NTM: variants seen among roughly 807,000 people sequenced by gnomAD.
The protein encoded by NTM is IgLON family member 2.
In NTM, 13 loss-of-function variants were observed where a neutral mutation model predicts 42.1. That is an observed-to-expected ratio of 0.31 (90% CI 0.20 to 0.49). The LOEUF (loss-of-function observed/expected upper bound fraction) is 0.49, where lower values mean the gene tolerates loss of function less well. NTM is among the 20% of genes least tolerant of loss of function. The probability of loss-of-function intolerance (pLI) is 0.99; values close to 1 mark genes in which losing one functional copy is unlikely to be tolerated. For synonymous variants in NTM, 187 were observed against 179.2 expected (o/e 1.04, Z -0.35); for missense variants, 373 against 452.8 (o/e 0.82, Z 1.60).
chr11:131,849,532 T>A (rs2045284018), intron 1 of NTM, among the ~76,000 whole-genome samples: 1 of 151,846 alleles, frequency 6.6e-6, no homozygotes, highest in African/African-American at 2.4e-5. Flanking sequence ...CAGCAAGCCA[T>A]GAGGGATCCG....
In NTM at chr11:131,572,037, C is replaced by T. The variant is rs559424597; in HGVS notation, c.82+201149C>T. On this transcript the variant is annotated intron_variant, in intron 1 of 8. Transcript: ENST00000683400. Reference sequence around the variant, plus strand: ...ATTTAAAAGAAATTTGACCCATGCTCAGACATTTCATAAACTCCCATTGAA... The same window carrying T: ...ATTTAAAAGAAATTTGACCCATGCTTAGACATTTCATAAACTCCCATTGAA... Among the ~76,000 whole-genome samples the T allele has an allele frequency of 1.2e-4, 18 of 152,334 alleles. No individual in the cohort carries two copies. The South Asian group carries it at 3.7e-3, about 32-fold the overall frequency.
chr11:131,958,005 TTCTG>T (rs2061737635), intron 2 of NTM, among the ~76,000 whole-genome samples: 2 of 152,190 alleles, frequency 1.3e-5, no homozygotes, highest in African/African-American at 4.8e-5. Flanking sequence ...TTGATTGCTT[TTCTG>T]ATTGGTGCCA....
intron 2 of NTM, among the ~76,000 whole-genome samples, chr11:131,970,392 TCC>T (rs1404350547): frequency 6.6e-6 from 1 of 152,190 alleles, no homozygotes; most frequent in Non-Finnish European, 1.5e-5. Flanking sequence ...ACATGGACCT[TCC>T]GATTTGGTAC....
intron 1 of NTM, chr11:131,794,949 C>G: frequency 1.0e-6 from 1 of 985,272 alleles, no homozygotes; most frequent in Non-Finnish European, 1.2e-6. Flanking sequence ...AACCTGAACC[C>G]GCATGTCAGT....
chr11:131,596,393 G>C (rs1353839481), intron 1 of NTM, among the ~76,000 whole-genome samples: 1 of 152,164 alleles, frequency 6.6e-6, no homozygotes, highest in African/African-American at 2.4e-5. Context: ...CTGGCATCAC[G>C]GCATCGTAGG....
chr11:131,593,860 T>C (rs902565958), intron 1 of NTM, among the ~76,000 whole-genome samples: 1 of 152,258 alleles, frequency 6.6e-6, no homozygotes, highest in African/African-American at 2.4e-5. Flanking sequence ...TTCTGTCTGC[T>C]ACTAGACTGT....
intron 4 of NTM, among the ~76,000 whole-genome samples, chr11:132,276,719 G>T (rs954354557): frequency 6.6e-6 from 1 of 152,158 alleles, no homozygotes; most frequent in African/African-American, 2.4e-5. Flanking sequence ...TGTTGTGGGG[G>T]AAGAGTGTGC....
chr11:131,802,936 G>T (rs141901234), intron 1 of NTM, among the ~76,000 whole-genome samples: 1 of 152,324 alleles, frequency 6.6e-6, no homozygotes, highest in East Asian at 1.9e-4. Context: ...GAGCCTGATG[G>T]GTTGTGGATG....
chr11:131,583,173 T>G (rs2058567449), intron 1 of NTM, among the ~76,000 whole-genome samples: 1 of 152,184 alleles, frequency 6.6e-6, no homozygotes, highest in Non-Finnish European at 1.5e-5. Context: ...TTCCATGTTC[T>G]TCCAATTGGA....
At chr11:132,187,770 T>C (rs948973506) in intron 3 of NTM, among the ~76,000 whole-genome samples, 1 of 152,092 alleles carries the variant, frequency 6.6e-6, no homozygotes, top group Admixed American at 6.6e-5. Flanking sequence ...AGGAGCGTGA[T>C]AGGGTATGTG....
intron 1 of NTM, among the ~76,000 whole-genome samples, chr11:131,855,569 G>A (rs1482186478): frequency 1.3e-5 from 2 of 152,064 alleles, no homozygotes; most frequent in Non-Finnish European, 2.9e-5. Flanking sequence ...CCTTTTTCCT[G>A]TTATTGCCAA....
At position 131,729,106 on chromosome 11, in the gene NTM, A is replaced by G. The variant is rs1198006858; in HGVS notation, c.83-182458A>G. On this transcript the variant is annotated intron_variant, in intron 1 of 8. Transcript: ENST00000683400. ...TAAAATGTCCAGGCATGTACTAAAAATGTGACCTTGGGCAACTTATATAAC... is the reference window on the plus strand; with the variant it reads ...TAAAATGTCCAGGCATGTACTAAAAGTGTGACCTTGGGCAACTTATATAAC... Among the ~76,000 whole-genome samples, 3 of 152,350 alleles carry G rather than the reference A, an allele frequency of 2.0e-5. No homozygotes were observed. In the East Asian group the frequency reaches 5.8e-4, roughly 29 times the overall value.
intron 4 of NTM, among the ~76,000 whole-genome samples, chr11:132,281,415 T>A (rs747082933): frequency 3.3e-5 from 5 of 152,190 alleles, no homozygotes; most frequent in Admixed American, 6.5e-5. Flanking sequence ...CCGAAAGAGT[T>A]CAATATATAC....
At chr11:131,941,026 T>C (rs1482076808) in intron 2 of NTM, among the ~76,000 whole-genome samples, 2 of 152,188 alleles carry the variant, frequency 1.3e-5, no homozygotes, top group Non-Finnish European at 2.9e-5. Context: ...CCCATGGCAG[T>C]GCGCATAGGG....
chr11:132,251,476 G>A (rs1265467679), intron 4 of NTM, among the ~76,000 whole-genome samples: 1 of 152,168 alleles, frequency 6.6e-6, no homozygotes, highest in African/African-American at 2.4e-5. Flanking sequence ...CTAATCTGCA[G>A]TACCTGTTTA....
At chr11:131,985,121 C>T (rs1031093652) in intron 2 of NTM, among the ~76,000 whole-genome samples, 12 of 152,140 alleles carry the variant, frequency 7.9e-5, no homozygotes, top group African/African-American at 2.7e-4. Context: ...GAGCTCATCT[C>T]TTGTGATCAT....
rs907305723 is a variant in NTM, at chr11:132,253,401, A to C, written c.526+41254A>C. 4.6e-5 allele frequency among the ~76,000 whole-genome samples: 7 copies of C among 152,330 alleles called. No homozygotes were observed. In the East Asian group the frequency reaches 1.3e-3, roughly 29 times the overall value. On this transcript the variant is annotated intron_variant, in intron 4 of 8. Transcript: ENST00000683400. ...TTTCATCCAAGGTCTGGCTAACTCT[A>C]ACATAATGTTTGTTTTCATCACACT... is the stretch of plus-strand genomic sequence containing the variant.
chr11:131,798,547 G>A (rs142973357), intron 1 of NTM, among the ~76,000 whole-genome samples: 10 of 152,320 alleles, frequency 6.6e-5, no homozygotes, highest in Admixed American at 3.9e-4. Context: ...TATGTGCCAT[G>A]TACTATGGTT....
chr11:131,565,444 C>A (rs536093909), intron 1 of NTM, among the ~76,000 whole-genome samples: 1 of 152,150 alleles, frequency 6.6e-6, no homozygotes, highest in Non-Finnish European at 1.5e-5. Context: ...GCGGTGAGAG[C>A]GGGGTTGGTT....
Sources: allele counts gnomAD v4.1 joint callset (sites outside exome capture counted in the v4.1 genomes callset), GRCh38; gene constraint gnomAD v4.1.1; transcripts MANE v1.5; gene names NCBI Gene and HGNC (gene_info 2026-07-23, HGNC 2026-07-21).